The following FBXL17 variants were observed in gnomAD, a reference collection of about 807,000 sequenced individuals.
FBXL17 encodes F-box and leucine rich repeat protein 17.
FBXL17 carries 22 observed loss-of-function variants against 66.2 expected under a neutral mutation model. That is an observed-to-expected ratio of 0.33 (90% CI 0.24 to 0.47). FBXL17 has a LOEUF of 0.47. Among genes scored for constraint, FBXL17 ranks in the 20% least tolerant of loss-of-function variants. The pLI is 1.00. For missense variants in FBXL17, 878 were observed against 948.2 expected, an observed-to-expected ratio of 0.93 and a Z score of 0.97; for synonymous variants, 474 against 400.5, an observed-to-expected ratio of 1.18 and a Z score of -2.19.
rs1051232075 is a variant in FBXL17 at position 108,381,374 on chromosome 5, G to A, written c.318C>T (p.Ala106=). Residue 106 remains alanine, a synonymous_variant, in exon 1 of 9, where the codon GCC becomes GCT. Coordinates refer to ENST00000542267, the MANE Select transcript of FBXL17 (RefSeq NM_001163315.3). ...SSQHLARRYA[A]LAAEDCAAAA... is the part of the protein sequence containing the mutation. ...CAGCGGCGCAGTCCTCGGCGGCCAG[G>A]GCCGCGTAGCGCCGCGCCAGGTGCT... The A allele has an allele frequency of 2.6e-5, 35 of 1,330,514 alleles. No homozygotes were observed. The highest frequency in any genetic ancestry group is 3.3e-5 in the Non-Finnish European group (35 of 1,049,588). The allele number at this position is 1,330,514 out of a possible 1,614,324, so 82.4% of individuals were successfully genotyped here.
At chr5:108,377,417 A>C (rs944275908) in intron 1 of FBXL17, among the ~76,000 whole-genome samples, 2 of 152,232 alleles carry the variant, frequency 1.3e-5, no homozygotes, top group Admixed American at 1.3e-4. Context: ...AGTTCAGTAC[A>C]TTTTATCGAC....
intron 7 of FBXL17, among the ~76,000 whole-genome samples, chr5:107,958,081 C>A (rs530591823): frequency 2.0e-5 from 3 of 149,202 alleles, no homozygotes; most frequent in Non-Finnish European, 4.4e-5. Flanking sequence ...AGGTGAACAG[C>A]GCGATTATTT....
chr5:108,018,898 T>G (rs1754482094), intron 7 of FBXL17, among the ~76,000 whole-genome samples: 1 of 152,160 alleles, frequency 6.6e-6, no homozygotes, highest in South Asian at 2.1e-4. Flanking sequence ...TAGTTTTAGG[T>G]GAGGCTTATA....
At chr5:108,146,784 G>C (rs766957014) in intron 6 of FBXL17, among the ~76,000 whole-genome samples, 1 of 152,054 alleles carries the variant, frequency 6.6e-6, no homozygotes, top group South Asian at 2.1e-4. Context: ...CACAGGCTAG[G>C]GACCCCCCAG....
At chr5:108,089,039 T>C (rs1749087854) in intron 6 of FBXL17, among the ~76,000 whole-genome samples, 1 of 152,182 alleles carries the variant, frequency 6.6e-6, no homozygotes, top group Non-Finnish European at 1.5e-5. Context: ...CAAATAGTTT[T>C]ACGTAAAATC....
At chr5:107,948,549 T>C (rs2112602949) in intron 7 of FBXL17, among the ~76,000 whole-genome samples, 1 of 152,320 alleles carries the variant, frequency 6.6e-6, no homozygotes, top group Non-Finnish European at 1.5e-5. Flanking sequence ...ACTCTGGCTA[T>C]TCTCCAATCT....
intron 7 of FBXL17, among the ~76,000 whole-genome samples, chr5:107,972,976 A>T (rs1019305740): frequency 4.6e-5 from 7 of 152,148 alleles, no homozygotes; most frequent in African/African-American, 1.7e-4. Context: ...CCCCATCTCC[A>T]TCCCTGTTAG....
intron 7 of FBXL17, among the ~76,000 whole-genome samples, chr5:108,008,994 T>C (rs1217999259): frequency 1.3e-5 from 2 of 149,986 alleles, no homozygotes; most frequent in Admixed American, 6.7e-5. Flanking sequence ...AGATAGTAAG[T>C]AGGAAGAAAA....
At chr5:107,947,858 A>T (rs981010453) in intron 7 of FBXL17, among the ~76,000 whole-genome samples, 3 of 151,964 alleles carry the variant, frequency 2.0e-5, no homozygotes, top group Non-Finnish European at 4.4e-5. Flanking sequence ...CTTATTTTTT[A>T]AAAAAACTCT....
At chr5:107,994,370 G>A (rs947243204) in intron 7 of FBXL17, among the ~76,000 whole-genome samples, 20 of 151,750 alleles carry the variant, frequency 1.3e-4, no homozygotes, top group African/African-American at 4.8e-4. Flanking sequence ...TTTGTGGTAG[G>A]GCAAAATCTT....
chr5:107,927,527 A>G (rs1047537516), intron 7 of FBXL17, among the ~76,000 whole-genome samples: 1 of 152,246 alleles, frequency 6.6e-6, no homozygotes, highest in Non-Finnish European at 1.5e-5. Context: ...GCCAAATGTA[A>G]AAACCAAAAC....
intron 4 of FBXL17, among the ~76,000 whole-genome samples, chr5:108,234,301 A>G (rs1370698469): frequency 1.3e-5 from 2 of 152,168 alleles, no homozygotes; most frequent in Admixed American, 1.3e-4. Flanking sequence ...AGCTACATTT[A>G]CTAAGGCCTT....
At chr5:107,986,960 T>C (rs932654593) in intron 7 of FBXL17, among the ~76,000 whole-genome samples, 8 of 152,032 alleles carry the variant, frequency 5.3e-5, no homozygotes, top group African/African-American at 1.7e-4. Flanking sequence ...CTACTGTAGT[T>C]TCCAAAAGTT....
intron 4 of FBXL17, among the ~76,000 whole-genome samples, chr5:108,328,129 C>T (rs534590195): frequency 3.9e-4 from 59 of 152,108 alleles, no homozygotes; most frequent in Non-Finnish European, 7.8e-4. Flanking sequence ...ACTGTGTGTC[C>T]CTTTGTCTGG....
intron 7 of FBXL17, among the ~76,000 whole-genome samples, chr5:107,935,869 G>A (rs1750893484): frequency 6.6e-6 from 1 of 152,058 alleles, no homozygotes; most frequent in African/African-American, 2.4e-5. Flanking sequence ...TGAAAGGGTG[G>A]GGGAAGACAG....
At chr5:108,186,306 C>A (rs1234239252) in intron 5 of FBXL17, 59 bp from the exon 6 acceptor site, 2 of 1,449,092 alleles carry the variant, frequency 1.4e-6, no homozygotes, top group Non-Finnish European at 1.9e-6. Flanking sequence ...ACTCTCAAAA[C>A]TTACAAATGT....
chr5:108,257,146 A>C (rs898337017), intron 4 of FBXL17, among the ~76,000 whole-genome samples: 2 of 152,210 alleles, frequency 1.3e-5, no homozygotes, highest in East Asian at 3.8e-4. Context: ...CTATCACTTA[A>C]AAGTATTAAA....
intron 5 of FBXL17, among the ~76,000 whole-genome samples, chr5:108,208,351 A>G (rs1196536219): frequency 6.6e-6 from 1 of 152,128 alleles, no homozygotes; most frequent in Non-Finnish European, 1.5e-5. Context: ...TTTTGTTGCC[A>G]TTGCTTTTGG....
At chr5:108,190,571 A>G (rs1753431273) in intron 5 of FBXL17, among the ~76,000 whole-genome samples, 1 of 152,194 alleles carries the variant, frequency 6.6e-6, no homozygotes, top group African/African-American at 2.4e-5. Context: ...ATATATCTTA[A>G]CACAGGTTAA....
Sources: gnomAD v4.1 joint callset for allele counts (sites outside exome capture counted in the v4.1 genomes callset) on GRCh38, gnomAD v4.1.1 for gene constraint, MANE v1.5 for transcripts, NCBI Gene and HGNC (gene_info 2026-07-23, HGNC 2026-07-21) for gene names.